PABPC4L: variants seen among roughly 807,000 people sequenced by gnomAD.
PABPC4L encodes poly(A) binding protein cytoplasmic 4 like, also known as polyadenylate-binding protein 4-like.
For synonymous variants in PABPC4L, 169 were observed against 164.1 expected, an observed-to-expected ratio of 1.03 and a Z score of -0.23; for missense variants, 452 against 451.4, an observed-to-expected ratio of 1.00 and a Z score of -0.01.
Position 134,201,146 on chromosome 4 carries a change from A to C in PABPC4L, c.-127T>G, listed in dbSNP as rs1277930809. On this transcript the variant is annotated 5_prime_UTR_variant, in exon 2 of 2. Transcript: ENST00000421491. Reference sequence around the variant, plus strand: ...CCTCGGGATCACCACACAAAGGCCAAGCAATGGAGTTCAGACACGACTCCC... The same window carrying C: ...CCTCGGGATCACCACACAAAGGCCACGCAATGGAGTTCAGACACGACTCCC... The C allele has an allele frequency of 5.2e-6, 8 of 1,549,996 alleles. No homozygotes were observed.
At chr4:134,025,635 T>C in the PABPC4L span, among the ~76,000 whole-genome samples, 2 of 152,160 alleles carry the variant, frequency 1.3e-5, no homozygotes, top group Non-Finnish European at 2.9e-5. Flanking sequence ...TATTAAATTC[T>C]CATTTTATCA....
chr4:134,181,833 C>A, the PABPC4L span, among the ~76,000 whole-genome samples: 1 of 151,692 alleles, frequency 6.6e-6, no homozygotes, highest in Admixed American at 6.6e-5. Context: ...AATATCTCTA[C>A]AACGAGAATT....
At chr4:134,076,509 C>T in the PABPC4L span, among the ~76,000 whole-genome samples, 3 of 152,068 alleles carry the variant, frequency 2.0e-5, no homozygotes, top group African/African-American at 7.2e-5. Context: ...ATGCTTGCCT[C>T]TGACTTATAT....
chr4:134,148,857 T>G, the PABPC4L span, among the ~76,000 whole-genome samples: 1 of 79,364 alleles, frequency 1.3e-5, no homozygotes, highest in African/African-American at 6.0e-5. Context: ...GTTGAATGAA[T>G]AATTTTTTTT....
the PABPC4L span, among the ~76,000 whole-genome samples, chr4:134,012,808 A>G: frequency 3.3e-5 from 5 of 151,690 alleles, no homozygotes; most frequent in Non-Finnish European, 7.4e-5. Flanking sequence ...AACCTCCCTC[A>G]CTATCCCTCA....
chr4:134,075,718 T>C, the PABPC4L span, among the ~76,000 whole-genome samples: 2 of 152,112 alleles, frequency 1.3e-5, no homozygotes, highest in African/African-American at 4.8e-5. Flanking sequence ...TTTATTATTA[T>C]ATTTTTTCTT....
rs1279935386 is a variant in PABPC4L, at chr4:134,200,005, A to G, written c.1015T>C (p.Phe339Leu). 2 of 1,551,554 alleles carry G rather than the reference A, an allele frequency of 1.3e-6. No individual in the cohort carries two copies. Among genetic ancestry groups the G allele is most frequent in the Non-Finnish European group, 8.7e-7 (1 of 1,146,980 alleles). ...GQSKGFGLIC[F>L]SSPEDATKAM... Reference sequence around the variant, plus strand: ...TTAGTAGCATCCTCAGGAGAGGAGAAGCAGATCAAGCCAAACCCTTTGCTC... The same window carrying G: ...TTAGTAGCATCCTCAGGAGAGGAGAGGCAGATCAAGCCAAACCCTTTGCTC... Residue 339 changes from phenylalanine to leucine, a missense_variant, in exon 2 of 2, where the codon TTC (phenylalanine) becomes CTC (leucine). Coordinates refer to ENST00000421491, the MANE Select transcript of PABPC4L (RefSeq NM_001114734.2).
chr4:134,185,715 G>T, the PABPC4L span, among the ~76,000 whole-genome samples: 1 of 152,016 alleles, frequency 6.6e-6, no homozygotes, highest in Non-Finnish European at 1.5e-5. Context: ...ATAAATAAAG[G>T]GTTTCAGTTA....
chr4:134,130,063 T>TAAA, the PABPC4L span, among the ~76,000 whole-genome samples: 2 of 111,000 alleles, frequency 1.8e-5, no homozygotes, highest in African/African-American at 6.7e-5. Flanking sequence ...AGACTCTGTT[T>TAAA]AAAAAAAAAA....
the PABPC4L span, among the ~76,000 whole-genome samples, chr4:134,138,827 G>C: frequency 6.6e-6 from 1 of 151,764 alleles, no homozygotes; most frequent in East Asian, 1.9e-4. Context: ...AAGATATTAT[G>C]ATAAATTTCT....
chr4:133,958,421 G>A, the PABPC4L span, among the ~76,000 whole-genome samples: 1 of 152,086 alleles, frequency 6.6e-6, no homozygotes, highest in African/African-American at 2.4e-5. Flanking sequence ...ACATTTTCCT[G>A]TCTTTTTCTG....
the PABPC4L span, among the ~76,000 whole-genome samples, chr4:134,063,873 T>C: frequency 6.6e-6 from 1 of 152,032 alleles, no homozygotes; most frequent in African/African-American, 2.4e-5. Context: ...TCTGACAATC[T>C]TTTCCTTATA....
chr4:134,103,531 C>A, the PABPC4L span, among the ~76,000 whole-genome samples: 1 of 151,488 alleles, frequency 6.6e-6, no homozygotes, highest in Non-Finnish European at 1.5e-5. Context: ...AAAAAGATGC[C>A]AATCATATTG....
At chr4:134,094,436 AT>A in the PABPC4L span, among the ~76,000 whole-genome samples, 1 of 151,914 alleles carries the variant, frequency 6.6e-6, no homozygotes, top group Non-Finnish European at 1.5e-5. Context: ...ACTCTATATC[AT>A]TTTTTGTGTA....
the PABPC4L span, among the ~76,000 whole-genome samples, chr4:134,105,697 A>T: frequency 6.6e-6 from 1 of 151,738 alleles, no homozygotes; most frequent in African/African-American, 2.4e-5. Flanking sequence ...AGCGAAGTAC[A>T]GAGAAAGGAA....
the PABPC4L span, among the ~76,000 whole-genome samples, chr4:134,086,481 C>T: frequency 1.3e-5 from 2 of 151,964 alleles, no homozygotes; most frequent in African/African-American, 2.4e-5. Context: ...CTTTTCCTTT[C>T]TTAATAGTAG....
chr4:134,102,608 C>T, the PABPC4L span, among the ~76,000 whole-genome samples: 1 of 151,498 alleles, frequency 6.6e-6, no homozygotes, highest in Admixed American at 6.6e-5. Flanking sequence ...GGTTCAACAG[C>T]CAATCATGGA....
At chr4:134,025,767 T>A in the PABPC4L span, among the ~76,000 whole-genome samples, 1 of 152,140 alleles carries the variant, frequency 6.6e-6, no homozygotes. Context: ...TTTAATGTAG[T>A]AATCTGTTTC....
At chr4:134,182,431 G>A in the PABPC4L span, among the ~76,000 whole-genome samples, 105,651 of 151,762 alleles carry the variant, frequency 0.7, 38,095 homozygotes, top group East Asian at 1. Flanking sequence ...CTTTCCTTAC[G>A]TCATATACAA....
Sources: allele counts gnomAD v4.1 joint callset (sites outside exome capture counted in the v4.1 genomes callset), GRCh38; gene constraint gnomAD v4.1.1; transcripts MANE v1.5; gene names NCBI Gene and HGNC (gene_info 2026-07-23, HGNC 2026-07-21).